FANCI: variants seen among roughly 807,000 people sequenced by gnomAD.
FANCI encodes the protein FA complementation group I.
Under a neutral mutation model 176.1 loss-of-function variants are expected in FANCI, and 156 were observed. The ratio of observed to expected loss-of-function variants is 0.89; its 90% CI spans 0.78 to 1.01. The LOEUF (loss-of-function observed/expected upper bound fraction) is 1.01. Ranked by LOEUF, FANCI falls within the 50% of genes least tolerant of loss-of-function variation. FANCI has a pLI of 0.00. For missense variants in FANCI, 1,678 were observed against 1,534.1 expected (o/e 1.09, Z -1.57); for synonymous variants, 613 against 541.7 (o/e 1.13, Z -1.83).
intron 16 of FANCI, 133 bp from the exon 17 acceptor site, chr15:89,283,003 T>A: frequency 1.2e-6 from 1 of 860,856 alleles, no homozygotes; most frequent in South Asian, 1.4e-5. Flanking sequence ...GTACATAAAT[T>A]CACTTTGTTT....
Position 89,305,943 on chromosome 15 carries a change from T to C in FANCI, c.3350-64T>C, listed in dbSNP as rs1229496416. On this transcript the variant is annotated intron_variant, in intron 31 of 37. Coordinates refer to ENST00000310775, the MANE Select transcript of FANCI (RefSeq NM_001113378.2). ...TAGTTAGTAGTAATCAATTTCTAAA[T>C]CTCCTTTACTCTTAATTAGAAAACG... 2.0e-6 allele frequency: 3 copies of C among 1,536,156 alleles called. No individual in the cohort carries two copies. In the African/African-American group the frequency reaches 4.1e-5, roughly 21 times the overall value.
intron 14 of FANCI, 83 bp downstream of exon 14, chr15:89,278,857 T>A (rs2053503696): frequency 2.9e-6 from 3 of 1,046,178 alleles, no homozygotes; most frequent in Non-Finnish European, 2.9e-6. Flanking sequence ...GGGAAAAAAA[T>A]TTTAATGAGC....
intron 10 of FANCI, 57 bp from the exon 11 acceptor site, chr15:89,273,320 A>G (rs1226462247): frequency 2.5e-5 from 23 of 921,362 alleles, no homozygotes; most frequent in African/African-American, 1.7e-4. Flanking sequence ...TAAAAAAAAA[A>G]AAAAAAGAAA....
At chr15:89,316,282 A>G (rs2055252553) in intron 37 of FANCI, 115 bp from the exon 38 acceptor site, 2 of 1,063,372 alleles carry the variant, frequency 1.9e-6, no homozygotes, top group East Asian at 5.2e-5. Context: ...AAGTGGGGAA[A>G]GCATGACTAA....
intron 10 of FANCI, among the ~76,000 whole-genome samples, chr15:89,269,681 C>T (rs576989862): frequency 6.6e-6 from 1 of 152,342 alleles, no homozygotes; most frequent in South Asian, 2.1e-4. Context: ...CACAACTACT[C>T]AGCTTTACGG....
In FANCI at chr15:89,294,791, G is replaced by T. The variant is rs371681771; in HGVS notation, c.2457-124G>T. On this transcript the variant is annotated intron_variant, in intron 23 of 37. Transcript: ENST00000310775. ...GGGCTGCCTAGAGAGTCTGCCAGTC[G>T]GAACTTACTGGCAAGCTCTGTTGGG... 1.2e-5 allele frequency: 12 copies of T among 963,718 alleles called. 1 individual carries two copies. Among genetic ancestry groups the T allele is most frequent in the Non-Finnish European group, 1.8e-5 (12 of 668,056 alleles). 59.7% of individuals were successfully genotyped at this position (963,718 alleles called of 1,614,324 possible).
chr15:89,302,777 G>C (rs1003382526), intron 27 of FANCI, among the ~76,000 whole-genome samples: 2 of 152,116 alleles, frequency 1.3e-5, no homozygotes, highest in African/African-American at 4.8e-5. Flanking sequence ...GTTTCACCGT[G>C]TTAGCCAGGA....
In FANCI at chr15:89,317,104, T is replaced by C; in HGVS notation, c.*645T>C. 2 of 591,652 alleles carry C rather than the reference T, an allele frequency of 3.4e-6. No homozygotes were observed. Among genetic ancestry groups the C allele is most frequent in the Non-Finnish European group, 6.0e-6 (2 of 334,238 alleles). 36.7% of individuals were successfully genotyped at this position (591,652 alleles called of 1,614,324 possible). The stretch of plus-strand genomic sequence containing the variant: ...TCACCTATAGAGTGCAAGAATGCAC[T>C]CTATAGAATAAATTATCTTTAAACA... On this transcript the variant is annotated 3_prime_UTR_variant, in exon 38 of 38. Coordinates refer to ENST00000310775, the MANE Select transcript of FANCI (RefSeq NM_001113378.2).
chr15:89,299,922 A>G lies in FANCI; in HGVS notation c.2759A>G (p.Gln920Arg), dbSNP rs1186276388. The change falls in exon 25 of 38, where the codon CAA (glutamine) becomes CGA (arginine). Residue 920 changes from glutamine (Q) to arginine (R), a missense_variant. Physicochemically the swap from Gln to Arg is conservative, Grantham distance 43. Around this residue, in one of 3 missense-constraint regions of FANCI, gnomAD observed 1,204 missense variants for 1,077.4 expected, o/e 1.12. Transcript: ENST00000310775. ...TTACAGAAAATATTCAGTGCTGTGC[A>G]ACAGTTCTATCAGCCCAAGATTCAG... The part of the protein sequence containing the change: ...EGLQKIFSAV[Q>R]QFYQPKIQQF... 2.5e-6 allele frequency: 4 copies of G among 1,614,020 alleles called. No individual in the cohort carries two copies. The highest frequency in any genetic ancestry group is 1.3e-5 in the African/African-American group (1 of 74,936).
intron 17 of FANCI, among the ~76,000 whole-genome samples, chr15:89,284,831 C>T (rs2053754026): frequency 1.3e-5 from 2 of 152,138 alleles, no homozygotes; most frequent in Admixed American, 6.6e-5. Flanking sequence ...AGCAGTGTAC[C>T]TTCCTAAGCA....
chr15:89,288,978 C>G (rs192496790), intron 18 of FANCI, among the ~76,000 whole-genome samples: 1 of 151,648 alleles, frequency 6.6e-6, no homozygotes, highest in African/African-American at 2.4e-5. Flanking sequence ...AAGTCCAAAT[C>G]CTTCCAATGA....
chr15:89,314,406 T>G (rs2055114782), intron 35 of FANCI, among the ~76,000 whole-genome samples: 1 of 152,196 alleles, frequency 6.6e-6, no homozygotes, highest in Non-Finnish European at 1.5e-5. Flanking sequence ...ATAAATGAAA[T>G]GGATCAGTGC....
At chr15:89,283,073 C>T in intron 16 of FANCI, 63 bp from the exon 17 acceptor site, 1 of 1,548,708 alleles carries the variant, frequency 6.5e-7, no homozygotes, top group Non-Finnish European at 8.9e-7. Context: ...CTGGATTTTT[C>T]TGACCCAGAA....
intron 13 of FANCI, among the ~76,000 whole-genome samples, chr15:89,277,432 G>A (rs60980586): frequency 0.028 from 4,176 of 151,854 alleles, 155 homozygotes; most frequent in African/African-American, 0.089. Flanking sequence ...CCTGGGCAAC[G>A]TGGCGAAACC....
chr15:89,309,078 C>G (rs1417156502), intron 34 of FANCI, among the ~76,000 whole-genome samples: 1 of 152,106 alleles, frequency 6.6e-6, no homozygotes, highest in Non-Finnish European at 1.5e-5. Context: ...TGATCTGGGT[C>G]AGGAATGCAT....
chr15:89,316,180 G>A (rs2055244341), intron 37 of FANCI: 1 of 586,464 alleles, frequency 1.7e-6, no homozygotes, highest in African/African-American at 1.9e-5. Context: ...TATAGCAAAA[G>A]TCCTAAAAGG....
intron 3 of FANCI, among the ~76,000 whole-genome samples, chr15:89,260,006 A>G (rs1191777978): frequency 1.3e-5 from 2 of 150,482 alleles, no homozygotes; most frequent in African/African-American, 4.9e-5. Flanking sequence ...TAGGAGTGGA[A>G]TTGCCGGATC....
chr15:89,273,150 A>C (rs1262867414), intron 10 of FANCI, among the ~76,000 whole-genome samples: 1 of 151,968 alleles, frequency 6.6e-6, no homozygotes, highest in Non-Finnish European at 1.5e-5. Context: ...AAAATTAAAA[A>C]TTAAAAATTA....
In FANCI at chr15:89,295,024, A is replaced by G. The variant is rs541976745; in HGVS notation, c.2566A>G (p.Thr856Ala). The G allele has an allele frequency of 6.4e-7, 1 of 1,552,190 alleles. No homozygotes were observed. Among genetic ancestry groups the G allele is most frequent in the Non-Finnish European group, 8.7e-7 (1 of 1,147,152 alleles). ...GCAGAAAGTACAGCAGCTAAAGGAA[A>G]CAGGGCATGTGAGTGGCCCTGATGG... Reference protein sequence around the residue: ...ALQKVQQLKETGHVSGPDGQN... With the variant: ...ALQKVQQLKEAGHVSGPDGQN... The change falls in exon 24 of 38, where the codon ACA becomes GCA. Residue 856 changes from threonine to alanine, a missense_variant. Thr to Ala is a moderately conservative substitution (Grantham distance 58). Transcript: ENST00000310775.
Sources: allele counts gnomAD v4.1 joint callset (sites outside exome capture counted in the v4.1 genomes callset), GRCh38; gene constraint gnomAD v4.1.1; regional missense constraint gnomAD v4.1.1; transcripts MANE v1.5; gene names NCBI Gene and HGNC (gene_info 2026-07-23, HGNC 2026-07-21).